The following PLCG2 variants were observed in gnomAD, a reference collection of about 807,000 sequenced individuals.
PLCG2 encodes the protein phospholipase C gamma 2.
PLCG2 carries 69 observed loss-of-function variants against 175.6 expected under a neutral mutation model. That is an observed-to-expected ratio of 0.39 (90% CI 0.32 to 0.48). The LOEUF (loss-of-function observed/expected upper bound fraction) is 0.48, where lower values mean the gene tolerates loss of function less well. PLCG2 is among the 20% of genes least tolerant of loss of function. PLCG2 has a pLI of 0.91. For synonymous variants in PLCG2, 827 were observed against 624.0 expected (o/e 1.33, Z -4.85); for missense variants, 1,798 against 1,650.9 (o/e 1.09, Z -1.54).
At chr16:81,884,492 G>A (rs1597106546) in intron 9 of PLCG2, among the ~76,000 whole-genome samples, 1 of 152,108 alleles carries the variant, frequency 6.6e-6, no homozygotes, top group Middle Eastern at 3.4e-3. Flanking sequence ...CAGCTGCACA[G>A]CCACCGACAG....
rs8051199 is a variant in PLCG2, at chr16:81,837,378, G to A, written c.194-17066G>A. ...CCTTTTCCAAACGAGTGGGCACCCT[G>A]CAGGCCACTTCCTCTGGGTTTCAGT... is the stretch of plus-strand genomic sequence containing the variant. On this transcript the variant is annotated intron_variant, in intron 2 of 32. Transcript: ENST00000564138. Among the ~76,000 whole-genome samples, 1,070 of 152,334 alleles carry A rather than the reference G, an allele frequency of 7.0e-3. 16 individuals are homozygous for A. The highest frequency in any genetic ancestry group is 0.024 in the Middle Eastern group (7 of 294).
At chr16:81,866,124 G>A (rs1488113813) in intron 5 of PLCG2, among the ~76,000 whole-genome samples, 1 of 109,564 alleles carries the variant, frequency 9.1e-6, no homozygotes, top group Non-Finnish European at 1.8e-5. Context: ...TCTCTCCCTT[G>A]CTCCCAGGGT....
intron 9 of PLCG2, among the ~76,000 whole-genome samples, chr16:81,885,224 A>G (rs1007551718): frequency 6.6e-6 from 1 of 152,116 alleles, no homozygotes; most frequent in Non-Finnish European, 1.5e-5. Flanking sequence ...GGGTTTCACA[A>G]TGTTGGTCAG....
intron 2 of PLCG2, among the ~76,000 whole-genome samples, chr16:81,771,028 A>C (rs1910267873): frequency 6.7e-6 from 1 of 149,860 alleles, no homozygotes; most frequent in Admixed American, 6.7e-5. Flanking sequence ...CCTGCACTCC[A>C]GCCTTGGTGA....
At chr16:81,886,294 C>T (rs1478182579) in intron 9 of PLCG2, among the ~76,000 whole-genome samples, 1 of 152,232 alleles carries the variant, frequency 6.6e-6, no homozygotes, top group Non-Finnish European at 1.5e-5. Flanking sequence ...GGAAATCTCT[C>T]TCTCTGCATC....
chr16:81,755,237 C>T (rs943199441), intron 1 of PLCG2, among the ~76,000 whole-genome samples: 12 of 152,076 alleles, frequency 7.9e-5, no homozygotes, highest in African/African-American at 2.7e-4. Flanking sequence ...CACTCTGTCA[C>T]CCAGGCTGGA....
intron 2 of PLCG2, among the ~76,000 whole-genome samples, chr16:81,824,583 C>G (rs1022749147): frequency 1.3e-5 from 2 of 152,214 alleles, no homozygotes; most frequent in Non-Finnish European, 2.9e-5. Flanking sequence ...TCACCATGTT[C>G]CTCGTGTGCC....
intron 2 of PLCG2, among the ~76,000 whole-genome samples, chr16:81,818,252 C>T (rs538594609): frequency 2.0e-5 from 3 of 152,352 alleles, no homozygotes; most frequent in South Asian, 2.1e-4. Context: ...TCAGTCAGCT[C>T]CTCACTTCCT....
chr16:81,739,911 G>A (rs1909547175), intron 1 of PLCG2, among the ~76,000 whole-genome samples: 1 of 152,212 alleles, frequency 6.6e-6, no homozygotes, highest in Non-Finnish European at 1.5e-5. Context: ...GCCAAGGCAG[G>A]TGGATCACTT....
At chr16:81,768,377 T>G (rs1246844306) in intron 2 of PLCG2, among the ~76,000 whole-genome samples, 1 of 152,216 alleles carries the variant, frequency 6.6e-6, no homozygotes, top group Non-Finnish European at 1.5e-5. Context: ...AGTGTTTTTC[T>G]GTGGACATAT....
chr16:81,844,798 C>T (rs1014652814), intron 2 of PLCG2, among the ~76,000 whole-genome samples: 1 of 152,200 alleles, frequency 6.6e-6, no homozygotes, highest in African/African-American at 2.4e-5. Flanking sequence ...GTACACATGG[C>T]CATGTATGTG....
upstream of PLCG2, among the ~76,000 whole-genome samples, chr16:81,778,051 A>AAAAAC (rs1597311883): frequency 1.3e-5 from 1 of 79,188 alleles, no homozygotes. Flanking sequence ...AACAAAAAAA[A>AAAAAC]AAACAAAAAA....
At chr16:81,900,865 A>T (rs199642195) in intron 14 of PLCG2, 85 bp downstream of exon 14, 4 of 1,262,942 alleles carry the variant, frequency 3.2e-6, no homozygotes, top group Non-Finnish European at 4.5e-6. Context: ...ACCAAGTTCT[A>T]TGTCCTACTG....
chr16:81,844,266 T>C (rs1905994833), intron 2 of PLCG2, among the ~76,000 whole-genome samples: 1 of 151,472 alleles, frequency 6.6e-6, no homozygotes, highest in Non-Finnish European at 1.5e-5. Flanking sequence ...GTGCTGGGAT[T>C]ACAGGCGTGA....
chr16:81,881,527 G>A (rs1161894971), intron 8 of PLCG2, among the ~76,000 whole-genome samples: 4 of 152,218 alleles, frequency 2.6e-5, no homozygotes, highest in Non-Finnish European at 5.9e-5. Context: ...GTTGGCCCTG[G>A]AGTTAATGGT....
At chr16:81,888,252 C>T (rs1908463164) in intron 9 of PLCG2, among the ~76,000 whole-genome samples, 1 of 152,168 alleles carries the variant, frequency 6.6e-6, no homozygotes, top group Non-Finnish European at 1.5e-5. Context: ...ACTCTGTTGT[C>T]CAGGCTGGAG....
At chr16:81,929,385 C>T (rs572493325) in intron 24 of PLCG2, among the ~76,000 whole-genome samples, 2 of 152,178 alleles carry the variant, frequency 1.3e-5, no homozygotes, top group African/African-American at 4.8e-5. Flanking sequence ...CTGCTTTACA[C>T]ATTCATTCAT....
chr16:81,896,367 C>CACACACACACACACAA (rs1908887912), intron 13 of PLCG2, among the ~76,000 whole-genome samples: 1 of 102 alleles, frequency 9.8e-3, no homozygotes, highest in African/African-American at 0.02. Flanking sequence ...TCTACCAAAA[C>CACACACACACACACAA]ACACACACAC....
chr16:81,937,975 A>C (rs1910786391), intron 28 of PLCG2, 72 bp downstream of exon 28: 1 of 1,471,326 alleles, frequency 6.8e-7, no homozygotes, highest in Non-Finnish European at 9.4e-7. Flanking sequence ...TGCTGTCTTG[A>C]GAGCAGGGAA....
Sources: allele counts gnomAD v4.1 joint callset (sites outside exome capture counted in the v4.1 genomes callset), GRCh38; gene constraint gnomAD v4.1.1; transcripts MANE v1.5; gene names NCBI Gene and HGNC (gene_info 2026-07-23, HGNC 2026-07-21).